ZNF236: variants seen among roughly 807,000 people sequenced by gnomAD.
ZNF236 encodes regulated by glucose.
A neutral mutation model predicts 191.2 loss-of-function variants in ZNF236; 50 were observed. The ratio of observed to expected loss-of-function variants is 0.26; its 90% confidence interval spans 0.21 to 0.33. The LOEUF (loss-of-function observed/expected upper bound fraction) is 0.33. ZNF236 is among the 10% of genes least tolerant of loss of function. ZNF236 has a pLI of 1.00. For missense variants in ZNF236, 1,754 were observed against 2,374.5 expected (o/e 0.74, Z 5.43); for synonymous variants, 907 against 928.8 (o/e 0.98, Z 0.43).
chr18:76,873,584 C>A (rs1413569252), intron 5 of ZNF236, among the ~76,000 whole-genome samples: 1 of 152,172 alleles, frequency 6.6e-6, no homozygotes, highest in Non-Finnish European at 1.5e-5. Context: ...TGGGCTTGGT[C>A]TTCCAATAGC....
chr18:76,916,890 C>T (rs1967381464), intron 19 of ZNF236, among the ~76,000 whole-genome samples: 1 of 152,174 alleles, frequency 6.6e-6, no homozygotes, highest in African/African-American at 2.4e-5. Flanking sequence ...GCTGGTGGCC[C>T]ATCATCCTCT....
Position 76,895,054 on chromosome 18 carries a change from C to G in ZNF236, c.1459C>G (p.Pro487Ala), listed in dbSNP as rs1160521147. The G allele has an allele frequency of 6.2e-7, 1 of 1,611,476 alleles. No homozygotes were observed. Among genetic ancestry groups the G allele is most frequent in the Admixed American group, 1.7e-5 (1 of 60,028 alleles). Reference protein sequence around the residue: ...EENGVRWHVCPYCAKEFRKPS... With the variant: ...EENGVRWHVCAYCAKEFRKPS... ...GAACGGCGTGCGCTGGCATGTGTGTCCCTACTGCGCCAAGGAGTTCCGCAA... is the reference window on the plus strand; with the variant it reads ...GAACGGCGTGCGCTGGCATGTGTGTGCCTACTGCGCCAAGGAGTTCCGCAA... Residue 487 changes from proline to alanine, a missense_variant, in exon 10 of 31, where the codon CCC becomes GCC. Around this residue, in one of 5 missense-constraint regions of ZNF236, gnomAD observed 126 missense variants for 110.9 expected, o/e 1.14. Coordinates refer to ENST00000320610, the MANE Select transcript of ZNF236 (RefSeq NM_001306089.2).
rs1968909717 is a variant in ZNF236, at chr18:76,971,633, TTAGAAG to T, written c.*3302_*3307del. Among the ~76,000 whole-genome samples the T allele has an allele frequency of 6.6e-6, 1 of 152,280 alleles. No homozygotes were observed. Among genetic ancestry groups the T allele is most frequent in the Non-Finnish European group, 1.5e-5 (1 of 68,044 alleles). ...ATGTGTTAGCACAGCTACACAATTT[TTAGAAG>T]TAGAAGTGGATTTCTTGTCTTGCTG... On this transcript the variant is annotated 3_prime_UTR_variant, in exon 31 of 31. Coordinates refer to ENST00000320610, the MANE Select transcript of ZNF236 (RefSeq NM_001306089.2).
chr18:76,960,659 A>T lies in ZNF236; in HGVS notation c.5243-20A>T. 6.2e-7 allele frequency: 1 copy of T among 1,614,148 alleles called. No individual in the cohort carries two copies. ...CTATACTTTTCTTAGAGACATTGACATATGCCATTTTCTGTACAGGGGAGC... is the reference window on the plus strand; with the variant it reads ...CTATACTTTTCTTAGAGACATTGACTTATGCCATTTTCTGTACAGGGGAGC... On this transcript the variant is annotated intron_variant, in intron 29 of 30. Coordinates refer to ENST00000320610, the MANE Select transcript of ZNF236 (RefSeq NM_001306089.2). This position sits in a 1 kb window ranked among gnomAD's most constrained non-coding sequence, Gnocchi z 4.4.
chr18:76,829,134 C>T (rs1415863498), intron 1 of ZNF236, among the ~76,000 whole-genome samples: 4 of 152,188 alleles, frequency 2.6e-5, no homozygotes, highest in South Asian at 4.1e-4. Flanking sequence ...TCCACACTTT[C>T]GGAATGCTTT....
intron 3 of ZNF236, among the ~76,000 whole-genome samples, chr18:76,865,364 A>G (rs1976378247): frequency 6.6e-6 from 1 of 152,088 alleles, no homozygotes; most frequent in Non-Finnish European, 1.5e-5. Context: ...CAAAACAAAA[A>G]AAACCTCTCA....
chr18:76,944,606 C>G (rs2122906632), intron 26 of ZNF236, among the ~76,000 whole-genome samples: 1 of 152,120 alleles, frequency 6.6e-6, no homozygotes, highest in Admixed American at 6.5e-5. Flanking sequence ...CACGGTGAAA[C>G]CCCGTCTCTC....
chr18:76,968,306 C>G lies in ZNF236; in HGVS notation c.5511C>G (p.Ala1837=). The change falls in exon 31 of 31, where the codon GCC becomes GCG. Residue 1837 remains alanine, a synonymous_variant. Coordinates refer to ENST00000320610, the MANE Select transcript of ZNF236 (RefSeq NM_001306089.2). ...LHLEEVVQEA[A]GEWQALTHVF ...TGGAGGAGGTGGTGCAGGAGGCCGCCGGCGAGTGGCAGGCCCTCACCCACG... is the reference window on the plus strand; with the variant it reads ...TGGAGGAGGTGGTGCAGGAGGCCGCGGGCGAGTGGCAGGCCCTCACCCACG... 1 of 1,608,630 alleles carries G rather than the reference C, an allele frequency of 6.2e-7. No individual in the cohort carries two copies. The highest frequency in any genetic ancestry group is 8.5e-7 in the Non-Finnish European group (1 of 1,178,558).
At chr18:76,849,328 T>G (rs1238573707) in intron 1 of ZNF236, 198 bp from the exon 2 acceptor site, 3 of 495,554 alleles carry the variant, frequency 6.1e-6, no homozygotes, top group African/African-American at 4.0e-5. Flanking sequence ...GTCCCATATC[T>G]TAGTCATCTC....
chr18:76,837,358 A>G (rs1975364266), intron 1 of ZNF236, among the ~76,000 whole-genome samples: 1 of 151,600 alleles, frequency 6.6e-6, no homozygotes, highest in South Asian at 2.1e-4. Context: ...TAGTTGTTAA[A>G]TTGAAGTCTT....
At chr18:76,868,002 G>A (rs1039957013) in intron 3 of ZNF236, among the ~76,000 whole-genome samples, 4 of 151,990 alleles carry the variant, frequency 2.6e-5, no homozygotes, top group African/African-American at 9.7e-5. Context: ...ACCCAAACAG[G>A]TGAAATAAAT....
intron 20 of ZNF236, among the ~76,000 whole-genome samples, chr18:76,921,909 A>AGT (rs1967547396): frequency 6.6e-6 from 1 of 151,958 alleles, no homozygotes; most frequent in East Asian, 1.9e-4. Context: ...TCAGACTCCC[A>AGT]GTGAGTAAGT....
rs186548975 is a variant in ZNF236 at position 76,905,332 on chromosome 18, C to T, written c.2214C>T (p.Asn738=). ...TACGGCGACACATGGGTATCCACAACGACCTTCGTCCCTATATGTGTCCCT... is the reference window on the plus strand; with the variant it reads ...TACGGCGACACATGGGTATCCACAATGACCTTCGTCCCTATATGTGTCCCT... ...GSLRRHMGIH[N]DLRPYMCPYC... The change falls in exon 13 of 31, where the codon AAC becomes AAT. Residue 738 remains asparagine (N), a synonymous_variant. Transcript: ENST00000320610. 130 of 1,614,160 alleles carry T rather than the reference C, an allele frequency of 8.1e-5. 2 individuals are homozygous for T. Among genetic ancestry groups the T allele is most frequent in the South Asian group, 4.4e-4 (40 of 91,084 alleles).
At chr18:76,841,697 T>TC (rs1390928350) in intron 1 of ZNF236, among the ~76,000 whole-genome samples, 24 of 150,610 alleles carry the variant, frequency 1.6e-4, no homozygotes, top group Non-Finnish European at 3.1e-4. Context: ...TTTTTTTCTT[T>TC]TTTTTTTTTT....
intron 1 of ZNF236, among the ~76,000 whole-genome samples, chr18:76,845,584 C>T (rs1333897883): frequency 6.6e-6 from 1 of 152,088 alleles, no homozygotes; most frequent in East Asian, 1.9e-4. Flanking sequence ...GGCACGGTGG[C>T]TCATGCCTGT....
At chr18:76,829,388 T>C (rs537330723) in intron 1 of ZNF236, among the ~76,000 whole-genome samples, 2 of 151,554 alleles carry the variant, frequency 1.3e-5, no homozygotes, top group South Asian at 2.1e-4. Flanking sequence ...AGTGCAGTGC[T>C]ATGATCTCGG....
chr18:76,903,876 A>G (rs1977668764), intron 11 of ZNF236, among the ~76,000 whole-genome samples: 5 of 150,286 alleles, frequency 3.3e-5, no homozygotes, highest in African/African-American at 9.8e-5. Flanking sequence ...CCTTTTTAGA[A>G]CAAAAGATCA....
chr18:76,859,905 A>G (rs1976164697), intron 3 of ZNF236, among the ~76,000 whole-genome samples: 1 of 152,160 alleles, frequency 6.6e-6, no homozygotes, highest in South Asian at 2.1e-4. Context: ...TGGGGTGCCT[A>G]TTTTGGGAAA....
intron 1 of ZNF236, among the ~76,000 whole-genome samples, chr18:76,834,157 T>C (rs904070720): frequency 6.6e-6 from 1 of 152,172 alleles, no homozygotes; most frequent in Non-Finnish European, 1.5e-5. Flanking sequence ...CTCATTATCT[T>C]TTTATGACTG....
Sources: gnomAD v4.1 joint callset for allele counts (sites outside exome capture counted in the v4.1 genomes callset) on GRCh38, gnomAD v4.1.1 for gene constraint, gnomAD v4.1.1 regional missense constraint, Gnocchi (gnomAD v3.1) non-coding constraint, MANE v1.5 for transcripts, NCBI Gene and HGNC (gene_info 2026-07-23, HGNC 2026-07-21) for gene names.